Variants in PREX1 observed in about 807,000 individuals in gnomAD.
PREX1 encodes the protein phosphatidylinositol 3,4,5-trisphosphate-dependent Rac exchanger 1 protein.
Under a neutral mutation model 198.3 loss-of-function variants are expected in PREX1, and 41 were observed. The observed-to-expected ratio is 0.21, with a 90% CI of 0.16 to 0.27. The LOEUF (loss-of-function observed/expected upper bound fraction) is 0.27. Ranked by LOEUF, PREX1 falls within the 10% of genes least tolerant of loss-of-function variation. PREX1 has a pLI of 1.00. For synonymous variants in PREX1, 843 were observed against 887.2 expected (o/e 0.95, Z 0.89); for missense variants, 1,620 against 2,200.7 (o/e 0.74, Z 5.28).
chr20:48,645,728 C>G (rs2089445643), intron 26 of PREX1, 123 bp downstream of exon 26: 1 of 1,126,210 alleles, frequency 8.9e-7, no homozygotes, highest in East Asian at 2.6e-5. Context: ...CTATCAGCAA[C>G]AGCACCCTGA....
chr20:48,639,135 C>T (rs6095223), intron 30 of PREX1, among the ~76,000 whole-genome samples: 59,388 of 152,120 alleles, frequency 0.39, 11,687 homozygotes, highest in Middle Eastern at 0.52. Flanking sequence ...GTGGAGCAGA[C>T]GCCAAGCCAC....
intron 29 of PREX1, among the ~76,000 whole-genome samples, chr20:48,640,301 G>T (rs2089399553): frequency 6.6e-6 from 1 of 152,184 alleles, no homozygotes; most frequent in Non-Finnish European, 1.5e-5. Context: ...TCCCTACACA[G>T]AGGAGGAAGC....
rs1445696952 is a variant in PREX1 at position 48,650,933 on chromosome 20, C to T, written c.2778G>A (p.Lys926=). The T allele has an allele frequency of 1.2e-6, 2 of 1,614,226 alleles. No homozygotes were observed. The highest frequency in any genetic ancestry group is 1.7e-6 in the Non-Finnish European group (2 of 1,180,048). ...HFEFRNICDT[K]LESIGQRIAC... ...CAATCCTCTGGCCAATGCTCTCCAGCTTGGTGTCACAGATGTTGCGGAACT... is the reference window on the plus strand; with the variant it reads ...CAATCCTCTGGCCAATGCTCTCCAGTTTGGTGTCACAGATGTTGCGGAACT... The change falls in exon 23 of 40, where the codon AAG becomes AAA. Residue 926 remains lysine (K), a synonymous_variant. Coordinates refer to ENST00000371941, the MANE Select transcript of PREX1 (RefSeq NM_020820.4).
At chr20:48,660,140 G>T in intron 15 of PREX1, 79 bp from the exon 16 acceptor site, 1 of 1,569,660 alleles carries the variant, frequency 6.4e-7, no homozygotes, top group Non-Finnish European at 8.7e-7. Flanking sequence ...GGCAGGCACA[G>T]GCTGGAACTA....
intron 6 of PREX1, among the ~76,000 whole-genome samples, chr20:48,706,600 G>A (rs1189680417): frequency 6.6e-6 from 1 of 152,140 alleles, no homozygotes; most frequent in African/African-American, 2.4e-5. Flanking sequence ...GTCTCCTCCG[G>A]TTTTGAACAC....
At chr20:48,627,671 G>A in intron 38 of PREX1, 56 bp from the exon 39 acceptor site, 1 of 1,528,304 alleles carries the variant, frequency 6.5e-7, no homozygotes. Flanking sequence ...ACGTGAGGAA[G>A]CACACTGGGG....
the PREX1 span, among the ~76,000 whole-genome samples, chr20:48,873,891 C>T: frequency 6.6e-6 from 1 of 152,080 alleles, no homozygotes; most frequent in Non-Finnish European, 1.5e-5. Flanking sequence ...AGCTATTTTG[C>T]CCCCTTGGTG....
At chr20:48,690,475 C>T (rs1360744812) in intron 9 of PREX1, among the ~76,000 whole-genome samples, 3 of 152,100 alleles carry the variant, frequency 2.0e-5, no homozygotes, top group African/African-American at 4.8e-5. Context: ...AGTTGTTGCA[C>T]GCCCACCCCC....
At chr20:48,751,072 C>T (rs1402849105) in intron 1 of PREX1, among the ~76,000 whole-genome samples, 2 of 152,238 alleles carry the variant, frequency 1.3e-5, no homozygotes, top group Non-Finnish European at 2.9e-5. Context: ...AAATGTAGTG[C>T]TCAGCAAATA....
intron 7 of PREX1, among the ~76,000 whole-genome samples, chr20:48,699,193 C>G (rs2089862358): frequency 6.6e-6 from 1 of 152,136 alleles, no homozygotes; most frequent in African/African-American, 2.4e-5. Context: ...CAGAGACGGT[C>G]AGTGGCATGG....
At chr20:48,823,349 T>TCC (rs1169572540) in intron 1 of PREX1, among the ~76,000 whole-genome samples, 1 of 148,824 alleles carries the variant, frequency 6.7e-6, no homozygotes, top group Non-Finnish European at 1.5e-5. Flanking sequence ...CTGAGGTGCC[T>TCC]CCCCTTGGCA....
At chr20:48,641,765 C>T (rs2089411290) in intron 29 of PREX1, among the ~76,000 whole-genome samples, 1 of 150,732 alleles carries the variant, frequency 6.6e-6, no homozygotes, top group Admixed American at 6.6e-5. Flanking sequence ...GTACTCCAGC[C>T]TGAGTGATAG....
Position 48,657,234 on chromosome 20 carries a change from C to G in PREX1, c.1975-46G>C, listed in dbSNP as rs551777739. The G allele has an allele frequency of 5.7e-6, 9 of 1,591,658 alleles. No individual in the cohort carries two copies. The South Asian group carries it at 7.8e-5, about 14-fold the overall frequency. ...ACAGACGTGCACACCAGTTACTAAG[C>G]TCCTTCCCTCCTCACCAAGGAAGCT... is the stretch of plus-strand genomic sequence containing the variant. On this transcript the variant is annotated intron_variant, in intron 17 of 39. Coordinates refer to ENST00000371941, the MANE Select transcript of PREX1 (RefSeq NM_020820.4).
intron 7 of PREX1, among the ~76,000 whole-genome samples, chr20:48,695,238 A>G (rs972741255): frequency 6.6e-6 from 1 of 152,098 alleles, no homozygotes; most frequent in African/African-American, 2.4e-5. Context: ...CTGTTTTTGA[A>G]CTTTACACAA....
chr20:48,793,749 C>A (rs990534881), intron 1 of PREX1, among the ~76,000 whole-genome samples: 2 of 152,206 alleles, frequency 1.3e-5, no homozygotes, highest in African/African-American at 2.4e-5. Flanking sequence ...CTCTCGGGTC[C>A]CCAAGGACCC....
intron 1 of PREX1, among the ~76,000 whole-genome samples, chr20:48,764,974 C>T (rs1394607994): frequency 1.3e-5 from 2 of 152,040 alleles, no homozygotes; most frequent in African/African-American, 4.8e-5. Flanking sequence ...CCCAGGAGCA[C>T]AGCCCTGCTG....
At chr20:48,873,986 C>T in the PREX1 span, among the ~76,000 whole-genome samples, 50 of 152,148 alleles carry the variant, frequency 3.3e-4, no homozygotes, top group South Asian at 0.01. Context: ...TGGGCTCAAG[C>T]AATCCTCCCA....
At chr20:48,654,823 C>G (rs1568805635) in intron 19 of PREX1, among the ~76,000 whole-genome samples, 1 of 152,222 alleles carries the variant, frequency 6.6e-6, no homozygotes, top group Admixed American at 6.5e-5. Context: ...CATAGTGACG[C>G]CTTTAATAGC....
At chr20:48,778,746 T>C (rs1440514151) in intron 1 of PREX1, among the ~76,000 whole-genome samples, 1 of 152,128 alleles carries the variant, frequency 6.6e-6, no homozygotes, top group African/African-American at 2.4e-5. Context: ...GCAAAGGCAA[T>C]TCCGTAGAGA....
Sources: gnomAD v4.1 joint callset for allele counts (sites outside exome capture counted in the v4.1 genomes callset) on GRCh38, gnomAD v4.1.1 for gene constraint, MANE v1.5 for transcripts, NCBI Gene and HGNC (gene_info 2026-07-23, HGNC 2026-07-21) for gene names.